The following LEKR1 variants were observed in gnomAD, a reference collection of about 807,000 sequenced individuals.
LEKR1 encodes protein LEKR1.
A neutral mutation model predicts 72.4 loss-of-function variants in LEKR1; 59 were observed. The observed-to-expected ratio is 0.82, with a 90% CI of 0.66 to 1.01. The LOEUF is 1.01. LEKR1 is among the 50% of genes least tolerant of loss of function. The pLI is 0.00. For missense variants in LEKR1, 728 were observed against 759.2 expected, an observed-to-expected ratio of 0.96 and a Z score of 0.48; for synonymous variants, 257 against 263.2, an observed-to-expected ratio of 0.98 and a Z score of 0.23.
chr3:157,045,275 T>C, intron 12 of LEKR1, 65 bp from the exon 13 acceptor site: 11 of 1,334,520 alleles, frequency 8.2e-6, no homozygotes, highest in Non-Finnish European at 1.0e-5. Context: ...GTATTGTCCG[T>C]AACTATCTAC....
chr3:156,871,678 C>T (rs935025573), intron 3 of LEKR1, among the ~76,000 whole-genome samples: 3 of 151,768 alleles, frequency 2.0e-5, no homozygotes, highest in Non-Finnish European at 2.9e-5. Context: ...ATCTCATTGT[C>T]GTTTTGATTT....
intron 3 of LEKR1, among the ~76,000 whole-genome samples, chr3:156,868,766 C>T (rs1481711243): frequency 1.3e-5 from 2 of 151,976 alleles, no homozygotes; most frequent in African/African-American, 4.8e-5. Flanking sequence ...CCTAACTCTG[C>T]TATCAAACAT....
At chr3:156,852,400 A>G (rs1410758736) in intron 2 of LEKR1, among the ~76,000 whole-genome samples, 3 of 152,218 alleles carry the variant, frequency 2.0e-5, no homozygotes, top group African/African-American at 4.8e-5. Flanking sequence ...GCAGTTTGCA[A>G]TTAAAGAACA....
chr3:156,927,658 A>G (rs1724843069), intron 5 of LEKR1, 54 bp downstream of exon 5: 3 of 666,308 alleles, frequency 4.5e-6, no homozygotes, highest in South Asian at 2.0e-5. Flanking sequence ...ATGGTACATC[A>G]TAAGTAATAA....
At chr3:156,987,008 G>A (rs73029518) in intron 7 of LEKR1, among the ~76,000 whole-genome samples, 3,513 of 149,186 alleles carry the variant, frequency 0.024, 151 homozygotes, top group African/African-American at 0.081. Context: ...TTCAAAGTGG[G>A]GGGAAATAGC....
chr3:156,849,116 GACAA>G (rs1258887826), intron 2 of LEKR1, among the ~76,000 whole-genome samples: 2 of 151,988 alleles, frequency 1.3e-5, no homozygotes, highest in African/African-American at 4.8e-5. Flanking sequence ...ACCAATAACA[GACAA>G]ACAGAGAGCC....
In LEKR1 at chr3:156,942,713, AG is replaced by A; in HGVS notation, c.745+1del. ...RCYDLQKEVLDLQCLVEALGL... is the reference protein window; with the variant it reads ...RCYDLQKEVLXLQCLVEALGL... ...GCTATGATTTGCAAAAAGAAGTACT[AG>A]GTAAAGAAAAGTCTTTTGCTGTTTT... is the stretch of plus-strand genomic sequence containing the variant. On this transcript the variant is annotated frameshift_variant and splice_region_variant, in exon 6 of 13. Transcript: ENST00000356539. LOFTEE classifies it high-confidence loss of function. The A allele has an allele frequency of 8.1e-7, 1 of 1,239,128 alleles. No homozygotes were observed. Among genetic ancestry groups the A allele is most frequent in the Non-Finnish European group, 1.0e-6 (1 of 969,998 alleles). The allele number at this position is 1,239,128 out of a possible 1,614,324, so 76.8% of individuals were successfully genotyped here.
At chr3:156,935,362 T>TA (rs1560092735) in intron 5 of LEKR1, among the ~76,000 whole-genome samples, 1 of 152,168 alleles carries the variant, frequency 6.6e-6, no homozygotes, top group African/African-American at 2.4e-5. Context: ...TTTTGCCTTT[T>TA]AAAAAACTTT....
intron 2 of LEKR1, among the ~76,000 whole-genome samples, chr3:156,837,695 G>C (rs574494342): frequency 1.5e-4 from 23 of 152,328 alleles, no homozygotes; most frequent in African/African-American, 4.8e-4. Flanking sequence ...ATTTGCTACA[G>C]CCTCAGACTA....
intron 9 of LEKR1, among the ~76,000 whole-genome samples, chr3:157,007,468 G>A (rs1024051628): frequency 2.6e-5 from 4 of 152,202 alleles, no homozygotes; most frequent in African/African-American, 7.2e-5. Context: ...CTCCTTTAGC[G>A]TAGGCTTCCC....
intron 12 of LEKR1, among the ~76,000 whole-genome samples, chr3:157,042,076 C>T (rs781738888): frequency 6.6e-6 from 1 of 152,032 alleles, no homozygotes; most frequent in Non-Finnish European, 1.5e-5. Context: ...ATCTGAATTG[C>T]CTATTGAACA....
At chr3:156,828,164 C>T (rs2108526345) in intron 1 of LEKR1, among the ~76,000 whole-genome samples, 1 of 152,340 alleles carries the variant, frequency 6.6e-6, no homozygotes, top group East Asian at 1.9e-4. Flanking sequence ...TGGTTTTAAA[C>T]AGCAACTCAC....
intron 6 of LEKR1, among the ~76,000 whole-genome samples, chr3:156,946,344 A>C (rs1410686023): frequency 2.0e-5 from 3 of 151,316 alleles, no homozygotes; most frequent in Non-Finnish European, 4.4e-5. Context: ...GTTTTTATGG[A>C]GTCTTTAGGT....
At chr3:157,040,731 C>A (rs1350438739) in intron 12 of LEKR1, among the ~76,000 whole-genome samples, 1 of 152,188 alleles carries the variant, frequency 6.6e-6, no homozygotes, top group Non-Finnish European at 1.5e-5. Flanking sequence ...TCTGATCATT[C>A]CATGACTGAT....
chr3:157,041,070 C>G (rs1360182486), intron 12 of LEKR1, among the ~76,000 whole-genome samples: 2 of 152,118 alleles, frequency 1.3e-5, no homozygotes, highest in Non-Finnish European at 2.9e-5. Flanking sequence ...ATATGGTGAA[C>G]TAATTTATAT....
intron 2 of LEKR1, among the ~76,000 whole-genome samples, chr3:156,835,258 T>C (rs1405487149): frequency 6.6e-6 from 1 of 152,220 alleles, no homozygotes; most frequent in Non-Finnish European, 1.5e-5. Flanking sequence ...AAACATTGTA[T>C]GATAATAGTT....
chr3:156,842,953 C>A (rs999171156), intron 2 of LEKR1, among the ~76,000 whole-genome samples: 11 of 152,122 alleles, frequency 7.2e-5, no homozygotes, highest in African/African-American at 2.7e-4. Context: ...CATTTGGCTC[C>A]TTTTTCTACT....
At chr3:157,010,314 T>C (rs1166885122) in intron 9 of LEKR1, among the ~76,000 whole-genome samples, 1 of 152,038 alleles carries the variant, frequency 6.6e-6, no homozygotes, top group Admixed American at 6.6e-5. Flanking sequence ...TATATAGAAC[T>C]CACTACTGCA....
chr3:157,035,641 G>C (rs551087072), intron 12 of LEKR1, among the ~76,000 whole-genome samples: 5 of 152,244 alleles, frequency 3.3e-5, no homozygotes, highest in South Asian at 4.1e-4. Flanking sequence ...GCTCACACCT[G>C]TAATCTCAGC....
Sources: gnomAD v4.1 joint callset for allele counts (sites outside exome capture counted in the v4.1 genomes callset) on GRCh38, gnomAD v4.1.1 for gene constraint, MANE v1.5 for transcripts, NCBI Gene and HGNC (gene_info 2026-07-23, HGNC 2026-07-21) for gene names.